Variants in GLRA1 observed in about 807,000 individuals in gnomAD.
The protein encoded by GLRA1 is glycine receptor subunit alpha-1.
Under a neutral mutation model 48.3 loss-of-function variants are expected in GLRA1, and 37 were observed. The observed-to-expected ratio is 0.77, with a 90% CI of 0.59 to 1.01. GLRA1 has a LOEUF of 1.01. GLRA1 is among the 50% of genes least tolerant of loss of function. The pLI is 0.00. For missense variants in GLRA1, 427 were observed against 571.0 expected, an observed-to-expected ratio of 0.75 and a Z score of 2.57; for synonymous variants, 196 against 210.7, an observed-to-expected ratio of 0.93 and a Z score of 0.60.
At chr5:151,863,795 C>T (rs1223974152) in intron 3 of GLRA1, among the ~76,000 whole-genome samples, 1 of 152,146 alleles carries the variant, frequency 6.6e-6, no homozygotes, top group Non-Finnish European at 1.5e-5. Context: ...ACCTTCCTCC[C>T]CACTCTCACC....
chr5:151,852,232 T>A (rs187934632), intron 6 of GLRA1, among the ~76,000 whole-genome samples: 1 of 152,342 alleles, frequency 6.6e-6, no homozygotes, highest in Admixed American at 6.5e-5. Flanking sequence ...TGAACTTTCA[T>A]GTTTCTGAGC....
chr5:151,922,598 G>T (rs2113468957), intron 1 of GLRA1, among the ~76,000 whole-genome samples: 1 of 152,364 alleles, frequency 6.6e-6, no homozygotes, highest in Non-Finnish European at 1.5e-5. Flanking sequence ...ATCCATTGTA[G>T]CTCATGTGTG....
At chr5:151,902,479 A>T (rs561686110) in intron 1 of GLRA1, among the ~76,000 whole-genome samples, 2 of 152,184 alleles carry the variant, frequency 1.3e-5, no homozygotes, top group African/African-American at 4.8e-5. Context: ...TGAAAATACT[A>T]TCTGCCTTTA....
chr5:151,862,226 A>G (rs985342800), intron 3 of GLRA1, among the ~76,000 whole-genome samples: 2 of 152,218 alleles, frequency 1.3e-5, no homozygotes, highest in African/African-American at 4.8e-5. Context: ...CTGGCTAGCC[A>G]TATATAGAAA....
At chr5:151,846,217 CAAAT>C (rs1390952574) in intron 7 of GLRA1, among the ~76,000 whole-genome samples, 3 of 152,050 alleles carry the variant, frequency 2.0e-5, no homozygotes, top group Non-Finnish European at 4.4e-5. Flanking sequence ...CTTAAAAAGG[CAAAT>C]AAATAAAAAG....
At chr5:151,856,133 A>G (rs1157005071) in intron 5 of GLRA1, among the ~76,000 whole-genome samples, 168 bp downstream of exon 5, 2 of 152,222 alleles carry the variant, frequency 1.3e-5, no homozygotes, top group Non-Finnish European at 2.9e-5. Flanking sequence ...AAGGGAAGTT[A>G]TATTTCTAAT....
At chr5:151,837,321 G>A (rs897533358) in intron 7 of GLRA1, among the ~76,000 whole-genome samples, 2 of 152,194 alleles carry the variant, frequency 1.3e-5, no homozygotes, top group African/African-American at 2.4e-5. Flanking sequence ...AACAGATGCT[G>A]GAGAGGATGT....
chr5:151,834,159 C>T (rs1360993164), intron 7 of GLRA1, among the ~76,000 whole-genome samples: 2 of 152,204 alleles, frequency 1.3e-5, no homozygotes, highest in Admixed American at 1.3e-4. Context: ...CACCCAAAAT[C>T]AACAAAATAT....
Position 151,915,716 on chromosome 5 carries a change from CATATAT to C in GLRA1, c.56+8772_56+8777del, listed in dbSNP as rs34164681. 2.4e-3 allele frequency among the ~76,000 whole-genome samples: 346 copies of C among 146,210 alleles called. 3 individuals carry two copies. The highest frequency in any genetic ancestry group is 0.022 in the East Asian group (108 of 4,990). On this transcript the variant is annotated intron_variant, in intron 1 of 8. Transcript: ENST00000274576. ...GTGTGTATGTAATGTATATGTAATA[CATATAT>C]ATATATATATATATGAATAAAAAAT...
Position 151,881,747 on chromosome 5 carries a change from G to C in GLRA1, c.252+4974C>G, listed in dbSNP as rs76073449. On this transcript the variant is annotated intron_variant, in intron 3 of 8. Coordinates refer to ENST00000274576, the MANE Select transcript of GLRA1 (RefSeq NM_000171.4). ...GGCAGTCTCAGCCCTCTCCTTGTCA[G>C]GACTGGATAGAGACCCCTGTTGCTT... 8.6e-3 allele frequency among the ~76,000 whole-genome samples: 1,309 copies of C among 152,242 alleles called. 16 individuals are homozygous for C. The highest frequency in any genetic ancestry group is 0.03 in the African/African-American group (1,257 of 41,536).
At position 151,908,482 on chromosome 5, in the gene GLRA1, C is replaced by A. The variant is rs140538425; in HGVS notation, c.56+16012G>T. ...CTAGGATGATGAAGTTGAGGGAGGT[C>A]TTAGAAGTCCTCTAGTACAGTGTAC... On this transcript the variant is annotated intron_variant, in intron 1 of 8. Transcript: ENST00000274576. Among the ~76,000 whole-genome samples, 1,516 of 152,054 alleles carry A rather than the reference C, an allele frequency of 1.0e-2. 24 individuals are homozygous for A. Among genetic ancestry groups the A allele is most frequent in the African/African-American group, 0.035 (1,461 of 41,458 alleles).
intron 8 of GLRA1, among the ~76,000 whole-genome samples, chr5:151,823,470 C>T (rs1255103790): frequency 6.6e-6 from 1 of 152,106 alleles, no homozygotes; most frequent in Non-Finnish European, 1.5e-5. Context: ...TGCCCTCTTC[C>T]CCATCCCATT....
At chr5:151,877,589 C>T (rs1456586161) in intron 3 of GLRA1, among the ~76,000 whole-genome samples, 1 of 152,194 alleles carries the variant, frequency 6.6e-6, no homozygotes, top group Non-Finnish European at 1.5e-5. Flanking sequence ...GGTGTCCCCA[C>T]CCAAATCTCA....
At chr5:151,834,291 C>CT (rs1763508698) in intron 7 of GLRA1, among the ~76,000 whole-genome samples, 1 of 152,154 alleles carries the variant, frequency 6.6e-6, no homozygotes, top group Non-Finnish European at 1.5e-5. Context: ...GACCACAGCA[C>CT]AATCAAATTG....
chr5:151,873,174 G>T (rs1394240652), intron 3 of GLRA1, among the ~76,000 whole-genome samples: 1 of 149,558 alleles, frequency 6.7e-6, no homozygotes, highest in Admixed American at 6.6e-5. Context: ...ACTGTGACAT[G>T]GTTCCCGAAA....
At chr5:151,878,305 CAGCA>C (rs1753676360) in intron 3 of GLRA1, among the ~76,000 whole-genome samples, 1 of 152,106 alleles carries the variant, frequency 6.6e-6, no homozygotes, top group South Asian at 2.1e-4. Context: ...TGGAAGTAAG[CAGCA>C]AAGCATTCAA....
intron 1 of GLRA1, 31 bp from the exon 2 acceptor site, chr5:151,892,469 A>G (rs1486466194): frequency 6.2e-7 from 1 of 1,612,606 alleles, no homozygotes; most frequent in Non-Finnish European, 8.5e-7. Flanking sequence ...GCAAAAGGTT[A>G]ATGATGGCTC....
At chr5:151,859,355 A>G (rs1753132633) in intron 4 of GLRA1, among the ~76,000 whole-genome samples, 1 of 152,240 alleles carries the variant, frequency 6.6e-6, no homozygotes, top group Non-Finnish European at 1.5e-5. Context: ...TAGATTTTAT[A>G]GAAGGGAGTA....
intron 3 of GLRA1, among the ~76,000 whole-genome samples, chr5:151,864,430 G>A (rs1391105138): frequency 6.6e-6 from 1 of 152,208 alleles, no homozygotes; most frequent in Non-Finnish European, 1.5e-5. Flanking sequence ...GTGAGGGTAA[G>A]AAAACAGGTT....
Sources: allele counts gnomAD v4.1 joint callset (sites outside exome capture counted in the v4.1 genomes callset), GRCh38; gene constraint gnomAD v4.1.1; transcripts MANE v1.5; gene names NCBI Gene and HGNC (gene_info 2026-07-23, HGNC 2026-07-21).